Variants in EXOC4 observed in about 807,000 individuals in gnomAD.
EXOC4 encodes the protein SEC8-like 1.
A neutral mutation model predicts 107.2 loss-of-function variants in EXOC4; 71 were observed. The observed-to-expected ratio is 0.66, with a 90% CI of 0.55 to 0.81. EXOC4 has a LOEUF of 0.81. EXOC4 is among the 30% of genes least tolerant of loss of function. EXOC4 has a pLI of 0.00. For missense variants in EXOC4, 1,108 were observed against 1,189.6 expected (o/e 0.93, Z 1.01); for synonymous variants, 456 against 441.2 (o/e 1.03, Z -0.42).
At chr7:133,302,868 A>C (rs1310061568) in intron 3 of EXOC4, among the ~76,000 whole-genome samples, 1 of 152,204 alleles carries the variant, frequency 6.6e-6, no homozygotes, top group African/African-American at 2.4e-5. Flanking sequence ...TGTACTCTGT[A>C]GTCATTACAT....
At chr7:133,882,104 A>G (rs958905041) in intron 11 of EXOC4, among the ~76,000 whole-genome samples, 2 of 152,186 alleles carry the variant, frequency 1.3e-5, no homozygotes, top group African/African-American at 4.8e-5. Flanking sequence ...CAAACAGTAT[A>G]TATCTTTCTG....
At chr7:133,855,958 C>T (rs939934596) in intron 11 of EXOC4, among the ~76,000 whole-genome samples, 1 of 152,196 alleles carries the variant, frequency 6.6e-6, no homozygotes, top group Non-Finnish European at 1.5e-5. Context: ...CCTCACCATC[C>T]TGAGCCTTGA....
chr7:133,935,343 A>G (rs1460525023), intron 13 of EXOC4, among the ~76,000 whole-genome samples: 1 of 152,186 alleles, frequency 6.6e-6, no homozygotes, highest in Non-Finnish European at 1.5e-5. Context: ...CACATCTGCA[A>G]GAAGGGCAGG....
At chr7:133,696,124 A>T (rs2430776) in intron 10 of EXOC4, among the ~76,000 whole-genome samples, 1 of 152,208 alleles carries the variant, frequency 6.6e-6, no homozygotes, top group African/African-American at 2.4e-5. Flanking sequence ...TGAGGTGCTC[A>T]TTAAACAGAT....
At chr7:133,855,090 TAA>T (rs1360874028) in intron 11 of EXOC4, among the ~76,000 whole-genome samples, 89 of 84,618 alleles carry the variant, frequency 1.1e-3, no homozygotes, top group African/African-American at 2.0e-3. Context: ...TAAATATATA[TAA>T]ATATATATAT....
intron 10 of EXOC4, among the ~76,000 whole-genome samples, chr7:133,643,105 A>G (rs982754967): frequency 7.9e-5 from 12 of 152,178 alleles, no homozygotes; most frequent in Non-Finnish European, 1.2e-4. Context: ...TCAAAAGAGA[A>G]CACAGGTGTT....
At chr7:133,409,864 T>C (rs2150743868) in intron 7 of EXOC4, among the ~76,000 whole-genome samples, 1 of 152,338 alleles carries the variant, frequency 6.6e-6, no homozygotes, top group South Asian at 2.1e-4. Context: ...TTACTAGATC[T>C]TTCTTATAAG....
At chr7:133,313,400 C>T (rs1794920927) in intron 4 of EXOC4, among the ~76,000 whole-genome samples, 1 of 152,130 alleles carries the variant, frequency 6.6e-6, no homozygotes, top group Non-Finnish European at 1.5e-5. Context: ...TATTTCTTAG[C>T]TCAGTTTGAT....
At chr7:133,769,025 G>A (rs191656764) in intron 10 of EXOC4, among the ~76,000 whole-genome samples, 2 of 152,062 alleles carry the variant, frequency 1.3e-5, no homozygotes, top group South Asian at 2.1e-4. Flanking sequence ...AATCACATAC[G>A]CTTGGATGTC....
intron 9 of EXOC4, among the ~76,000 whole-genome samples, chr7:133,564,672 G>C (rs1197097328): frequency 6.6e-6 from 1 of 152,156 alleles, no homozygotes; most frequent in Non-Finnish European, 1.5e-5. Flanking sequence ...CCAGTCAAAT[G>C]CTGAATTTTG....
At chr7:133,255,210 C>G (rs907288322) in intron 1 of EXOC4, among the ~76,000 whole-genome samples, 4 of 151,510 alleles carry the variant, frequency 2.6e-5, no homozygotes, top group Non-Finnish European at 5.9e-5. Flanking sequence ...CAGAGTCTTG[C>G]TCTGTCCCCA....
intron 7 of EXOC4, among the ~76,000 whole-genome samples, chr7:133,441,755 T>G (rs1798108819): frequency 6.6e-6 from 1 of 152,224 alleles, no homozygotes; most frequent in African/African-American, 2.4e-5. Context: ...CCAGTCATCT[T>G]CTAAGATATA....
intron 11 of EXOC4, among the ~76,000 whole-genome samples, chr7:133,880,581 T>C (rs766808645): frequency 5.3e-5 from 8 of 152,320 alleles, no homozygotes; most frequent in Non-Finnish European, 8.8e-5. Context: ...CCTTATTATG[T>C]AATATTAGCT....
chr7:133,946,198 T>C (rs1289162982), intron 14 of EXOC4, among the ~76,000 whole-genome samples: 2 of 152,228 alleles, frequency 1.3e-5, no homozygotes, highest in East Asian at 3.8e-4. Context: ...GTCATTTTCC[T>C]AAGCTGACTT....
chr7:133,385,514 T>A lies in EXOC4; in HGVS notation c.1182+10512T>A, dbSNP rs144346028. 3.3e-5 allele frequency among the ~76,000 whole-genome samples: 5 copies of A among 152,312 alleles called. No individual in the cohort carries two copies. In the East Asian group the frequency reaches 9.6e-4, roughly 29 times the overall value. ...CATTAAAGACCATTCAAGATACATT[T>A]AGGAAAATACAAGTCTTTCACAGAA... is the stretch of plus-strand genomic sequence containing the variant. On this transcript the variant is annotated intron_variant, in intron 7 of 17. Transcript: ENST00000253861.
intron 10 of EXOC4, among the ~76,000 whole-genome samples, chr7:133,642,855 A>G (rs1345999797): frequency 6.6e-6 from 1 of 151,994 alleles, no homozygotes. Flanking sequence ...CTATTTTCAA[A>G]ATTTTTTTCT....
rs187223377 is a variant in EXOC4, at chr7:133,624,247, A to C, written c.1418-5798A>C. 6.6e-5 allele frequency among the ~76,000 whole-genome samples: 10 copies of C among 152,308 alleles called. No homozygotes were observed. In the East Asian group the frequency reaches 1.9e-3, roughly 29 times the overall value. ...TTATGCTATTTTCATTGGAGCACTT[A>C]GTACAAGATGGTTATAATTTCAACA... On this transcript the variant is annotated intron_variant, in intron 9 of 17. Transcript: ENST00000253861.
intron 6 of EXOC4, among the ~76,000 whole-genome samples, chr7:133,366,494 T>G (rs1796251900): frequency 6.6e-6 from 1 of 152,262 alleles, no homozygotes; most frequent in Non-Finnish European, 1.5e-5. Context: ...TGCCATATTA[T>G]TAAAGTTGGC....
chr7:133,508,864 T>C (rs1023211682), intron 9 of EXOC4, among the ~76,000 whole-genome samples: 1 of 152,202 alleles, frequency 6.6e-6, no homozygotes, highest in South Asian at 2.1e-4. Context: ...TACCACACTA[T>C]TGAAAAATAA....
Sources: gnomAD v4.1 joint callset for allele counts (sites outside exome capture counted in the v4.1 genomes callset) on GRCh38, gnomAD v4.1.1 for gene constraint, MANE v1.5 for transcripts, NCBI Gene and HGNC (gene_info 2026-07-23, HGNC 2026-07-21) for gene names.